Variants in COMMD1 observed in about 807,000 individuals in gnomAD.
COMMD1 encodes the protein COMM domain-containing protein 1.
COMMD1 carries 10 observed loss-of-function variants against 17.2 expected under a neutral mutation model. That is an observed-to-expected ratio of 0.58 (90% CI 0.36 to 0.99). COMMD1 has a LOEUF of 0.99. COMMD1 is among the 50% of genes least tolerant of loss of function. COMMD1 has a pLI of 0.01. For synonymous variants in COMMD1, 97 were observed against 91.6 expected (o/e 1.06, Z -0.34); for missense variants, 270 against 231.8 (o/e 1.17, Z -1.07).
Position 61,951,873 on chromosome 2 carries a change from A to G in COMMD1, c.180+46015A>G, listed in dbSNP as rs78359470. Among the ~76,000 whole-genome samples the G allele has an allele frequency of 2.8e-4, 42 of 152,372 alleles. No homozygotes were observed. In the East Asian group the frequency reaches 8.1e-3, roughly 29 times the overall value. On this transcript the variant is annotated intron_variant, in intron 1 of 2. Transcript: ENST00000311832. The stretch of plus-strand genomic sequence containing the variant: ...TTGTTTACATATTCTAGAGTTTTAT[A>G]TAAATGGAATCATACAATACTCTTT...
chr2:62,026,619 A>C (rs1484080658), intron 2 of COMMD1, among the ~76,000 whole-genome samples: 1 of 152,210 alleles, frequency 6.6e-6, no homozygotes. Context: ...TCTTGGAACT[A>C]TATCTTACCC....
intron 1 of COMMD1, among the ~76,000 whole-genome samples, chr2:61,924,036 C>T (rs1480007156): frequency 1.3e-5 from 2 of 152,130 alleles, no homozygotes; most frequent in Non-Finnish European, 2.9e-5. Context: ...CATGGCCTTC[C>T]AAAGTGCTGG....
rs374908562 is a variant in COMMD1, at chr2:62,012,378, A to T, written c.462+11396A>T. Among the ~76,000 whole-genome samples the T allele has an allele frequency of 1.1e-4, 15 of 140,892 alleles. No homozygotes were observed. The East Asian group carries it at 2.5e-3, about 23-fold the overall frequency. 92.4% of individuals were successfully genotyped at this position (140,892 alleles called of 152,430 possible). On this transcript the variant is annotated intron_variant, in intron 2 of 2. Transcript: ENST00000311832. ...GTCTTACTCTTGTTGCCCAGGCTGGAGTGCAGTGGCTCTCACCGCAATCTC... is the reference window on the plus strand; with the variant it reads ...GTCTTACTCTTGTTGCCCAGGCTGGTGTGCAGTGGCTCTCACCGCAATCTC...
chr2:62,102,946 G>T (rs1672225885), intron 2 of COMMD1, among the ~76,000 whole-genome samples: 1 of 151,778 alleles, frequency 6.6e-6, no homozygotes, highest in African/African-American at 2.4e-5. Context: ...TTTGGTGTTA[G>T]ACCCTTTTTA....
chr2:61,938,627 G>A lies in COMMD1; in HGVS notation c.180+32769G>A, dbSNP rs1670661277. Among the ~76,000 whole-genome samples the A allele has an allele frequency of 2.0e-5, 3 of 152,036 alleles. No homozygotes were observed. The South Asian group carries it at 6.2e-4, about 32-fold the overall frequency. On this transcript the variant is annotated intron_variant, in intron 1 of 2. Transcript: ENST00000311832. The stretch of plus-strand genomic sequence containing the variant: ...TATTCCTGCTCTGGAACTTGCCTTG[G>A]TCTCTTTTTCTGCTTTATGCCCCTC...
At chr2:61,967,500 G>GCTCTTGTTT (rs1671536575) in intron 1 of COMMD1, among the ~76,000 whole-genome samples, 1 of 152,142 alleles carries the variant, frequency 6.6e-6, no homozygotes, top group African/African-American at 2.4e-5. Flanking sequence ...AGGATGTTGA[G>GCTCTTGTTT]CTCTTGTTTA....
At chr2:61,929,904 C>T (rs1396441965) in intron 1 of COMMD1, among the ~76,000 whole-genome samples, 1 of 151,846 alleles carries the variant, frequency 6.6e-6, no homozygotes, top group African/African-American at 2.4e-5. Flanking sequence ...TGGACTCCAG[C>T]CTGGGTGACA....
At chr2:61,943,945 G>A (rs1278578208) in intron 1 of COMMD1, among the ~76,000 whole-genome samples, 2 of 152,170 alleles carry the variant, frequency 1.3e-5, no homozygotes, top group African/African-American at 2.4e-5. Context: ...GCTGCTACAC[G>A]TTGTAGGGGG....
At chr2:61,998,067 C>A (rs1372301058) in intron 1 of COMMD1, among the ~76,000 whole-genome samples, 1 of 152,298 alleles carries the variant, frequency 6.6e-6, no homozygotes, top group East Asian at 1.9e-4. Context: ...CATGAACCAA[C>A]CTTGCTTCAA....
chr2:61,906,902 T>C (rs1232650818), intron 1 of COMMD1, among the ~76,000 whole-genome samples: 1 of 152,230 alleles, frequency 6.6e-6, no homozygotes, highest in Non-Finnish European at 1.5e-5. Flanking sequence ...TGTTTATTCT[T>C]TAAAAGGCAC....
In COMMD1 at chr2:61,986,482, C is replaced by G. The variant is rs142079172; in HGVS notation, c.181-14219C>G. On this transcript the variant is annotated intron_variant, in intron 1 of 2. Coordinates refer to ENST00000311832, the MANE Select transcript of COMMD1 (RefSeq NM_152516.4). Reference sequence around the variant, plus strand: ...GAATAAACTTTCTACACCTGTGTCTCTGTTTACCTTATCTTTAAGGCCAAT... The same window carrying G: ...GAATAAACTTTCTACACCTGTGTCTGTGTTTACCTTATCTTTAAGGCCAAT... 1.9e-4 allele frequency among the ~76,000 whole-genome samples: 28 copies of G among 148,160 alleles called. No homozygotes were observed. The East Asian group carries it at 5.5e-3, about 29-fold the overall frequency.
At chr2:61,905,528 G>A, upstream of COMMD1, 1 of 698,044 alleles carries the variant, frequency 1.4e-6, no homozygotes, top group Non-Finnish European at 2.3e-6. Flanking sequence ...GCAGAGCAAA[G>A]CTGTAAGCTG....
At chr2:61,964,817 A>T (rs564882537) in intron 1 of COMMD1, among the ~76,000 whole-genome samples, 1 of 152,214 alleles carries the variant, frequency 6.6e-6, no homozygotes, top group African/African-American at 2.4e-5. Context: ...AGGTTGCAGT[A>T]AGCTGGGATC....
At chr2:61,931,887 G>C (rs530282711) in intron 1 of COMMD1, among the ~76,000 whole-genome samples, 1 of 152,360 alleles carries the variant, frequency 6.6e-6, no homozygotes, top group Admixed American at 6.5e-5. Flanking sequence ...TTTGAGGAAT[G>C]AGAATTTTGA....
At chr2:61,916,343 A>G (rs1171052580) in intron 1 of COMMD1, among the ~76,000 whole-genome samples, 4 of 152,184 alleles carry the variant, frequency 2.6e-5, no homozygotes, top group Non-Finnish European at 5.9e-5. Context: ...ACAATATACT[A>G]CTATGTTTAG....
At chr2:61,891,136 G>A (rs985353904) in intron 1 of COMMD1, among the ~76,000 whole-genome samples, 1 of 152,154 alleles carries the variant, frequency 6.6e-6, no homozygotes, top group Non-Finnish European at 1.5e-5. Context: ...TAGGAGGGTT[G>A]AACTAGATGA....
chr2:61,903,765 C>T (rs986334534), upstream of COMMD1, among the ~76,000 whole-genome samples: 2 of 152,056 alleles, frequency 1.3e-5, no homozygotes, highest in African/African-American at 4.8e-5. Context: ...TGGTCTCGAT[C>T]TCCTGACCTC....
chr2:61,994,608 A>G (rs1157562573), intron 1 of COMMD1, among the ~76,000 whole-genome samples: 3 of 152,014 alleles, frequency 2.0e-5, no homozygotes, highest in African/African-American at 7.3e-5. Context: ...TGAATAGTTG[A>G]TGGAATTTTG....
intron 2 of COMMD1, among the ~76,000 whole-genome samples, chr2:62,047,541 G>A (rs997775523): frequency 5.3e-5 from 8 of 151,266 alleles, no homozygotes; most frequent in Non-Finnish European, 1.0e-4. Flanking sequence ...TGCAACCTCC[G>A]CCTCCTGGGT....
Sources: allele counts gnomAD v4.1 joint callset (sites outside exome capture counted in the v4.1 genomes callset), GRCh38; gene constraint gnomAD v4.1.1; transcripts MANE v1.5; gene names NCBI Gene and HGNC (gene_info 2026-07-23, HGNC 2026-07-21).